NARS2: variants seen among roughly 807,000 people sequenced by gnomAD.
NARS2 encodes the protein asparaginyl-tRNA synthetase 2, mitochondrial.
Under a neutral mutation model 62.9 loss-of-function variants are expected in NARS2, and 60 were observed. The ratio of observed to expected loss-of-function variants is 0.95; its 90% confidence interval spans 0.77 to 1.18. The LOEUF (loss-of-function observed/expected upper bound fraction) is 1.18. NARS2 is among the 50% of genes most tolerant of loss of function. The probability of loss-of-function intolerance (pLI) is 0.00; values close to 1 mark genes in which losing one functional copy is unlikely to be tolerated. For synonymous variants in NARS2, 196 were observed against 200.0 expected, an observed-to-expected ratio of 0.98 and a Z score of 0.17; for missense variants, 619 against 576.4, an observed-to-expected ratio of 1.07 and a Z score of -0.76.
At position 78,485,779 on chromosome 11, in the gene NARS2, C is replaced by A. The variant is rs149981129; in HGVS notation, c.823-7096G>T. ...TGTCAGGGTGACAGTGGCACAAGCA[C>A]CTAAAACACCAAGAGAAGACCTACT... On this transcript the variant is annotated intron_variant, in intron 7 of 13. Coordinates refer to ENST00000281038, the MANE Select transcript of NARS2 (RefSeq NM_024678.6). Among the ~76,000 whole-genome samples, 505 of 152,238 alleles carry A rather than the reference C, an allele frequency of 3.3e-3. 8 individuals carry two copies. The highest frequency in any genetic ancestry group is 0.013 in the East Asian group (65 of 5,176).
At chr11:78,488,697 G>C (rs902153762) in intron 7 of NARS2, among the ~76,000 whole-genome samples, 7 of 152,200 alleles carry the variant, frequency 4.6e-5, no homozygotes, top group Non-Finnish European at 7.3e-5. Context: ...AGGGGTGAAG[G>C]TAAAGGGAAA....
At chr11:78,502,791 T>C (rs1860330827) in intron 6 of NARS2, among the ~76,000 whole-genome samples, 1 of 152,060 alleles carries the variant, frequency 6.6e-6, no homozygotes, top group Non-Finnish European at 1.5e-5. Flanking sequence ...GTCAGGAGTC[T>C]GAGACCAGCC....
At chr11:78,551,278 A>G (rs7127028) in intron 5 of NARS2, among the ~76,000 whole-genome samples, 104,403 of 152,078 alleles carry the variant, frequency 0.69, 37,642 homozygotes, top group Non-Finnish European at 0.81. Flanking sequence ...GTCTATTTAC[A>G]CAGACGGGGT....
intron 5 of NARS2, chr11:78,546,641 G>A (rs1399509261): frequency 6.6e-6 from 1 of 152,164 alleles, no homozygotes; most frequent in Non-Finnish European, 1.5e-5. Flanking sequence ...ATTGCATTAG[G>A]TAAGTGATAT....
intron 3 of NARS2, among the ~76,000 whole-genome samples, chr11:78,567,225 C>T (rs140004470): frequency 6.6e-4 from 101 of 152,230 alleles, no homozygotes; most frequent in African/African-American, 2.0e-3. Flanking sequence ...CCCCAGTGGA[C>T]GCCTAAAACC....
At chr11:78,552,138 C>T (rs1008232117) in intron 5 of NARS2, among the ~76,000 whole-genome samples, 2 of 152,156 alleles carry the variant, frequency 1.3e-5, no homozygotes, top group African/African-American at 4.8e-5. Context: ...GCTCTTCTCC[C>T]TCCTCCCATC....
chr11:78,553,568 C>A (rs1856211392), intron 5 of NARS2, among the ~76,000 whole-genome samples: 1 of 152,306 alleles, frequency 6.6e-6, no homozygotes. Flanking sequence ...GGATTATAGG[C>A]ATGAACCACC....
In NARS2 at chr11:78,462,947, A is replaced by C. The variant is rs901840907; in HGVS notation, c.1164+2929T>G. Among the ~76,000 whole-genome samples, 7 of 152,342 alleles carry C rather than the reference A, an allele frequency of 4.6e-5. No homozygotes were observed. The South Asian group carries it at 6.2e-4, about 14-fold the overall frequency. On this transcript the variant is annotated intron_variant, in intron 11 of 13. Transcript: ENST00000281038. ...AGTGTAGTTTTTGGGCCTATTTTGA[A>C]ATCAATATAATCTGTCTCATAGACT...
At chr11:78,484,844 A>T (rs1451248343) in intron 7 of NARS2, among the ~76,000 whole-genome samples, 1 of 152,226 alleles carries the variant, frequency 6.6e-6, no homozygotes, top group Admixed American at 6.5e-5. Flanking sequence ...AAGAATCTAG[A>T]ACCAGAAAAG....
intron 6 of NARS2, among the ~76,000 whole-genome samples, chr11:78,523,871 A>C (rs2135417335): frequency 6.6e-6 from 1 of 152,250 alleles, no homozygotes; most frequent in Non-Finnish European, 1.5e-5. Context: ...GGGAGTGATA[A>C]AACCTTAAAA....
chr11:78,468,916 G>GC (rs1377121522), intron 10 of NARS2, among the ~76,000 whole-genome samples: 1 of 151,462 alleles, frequency 6.6e-6, no homozygotes. Flanking sequence ...ATAGGCGTGA[G>GC]CCCCAACACC....
chr11:78,535,630 CTCTT>C (rs1401000474), intron 5 of NARS2, among the ~76,000 whole-genome samples: 1 of 150,862 alleles, frequency 6.6e-6, no homozygotes, highest in Non-Finnish European at 1.5e-5. Context: ...ATCCAGAAAG[CTCTT>C]TTTTTTTTTT....
chr11:78,548,677 G>A (rs1016772328), intron 5 of NARS2, among the ~76,000 whole-genome samples: 2 of 152,132 alleles, frequency 1.3e-5, no homozygotes, highest in African/African-American at 2.4e-5. Flanking sequence ...ATTGAGGATC[G>A]TGGTGGTAAA....
At chr11:78,448,433 G>C (rs961826837) in intron 11 of NARS2, among the ~76,000 whole-genome samples, 1 of 151,582 alleles carries the variant, frequency 6.6e-6, no homozygotes, top group Non-Finnish European at 1.5e-5. Flanking sequence ...TGGGATTACA[G>C]GCACATGCCA....
intron 11 of NARS2, among the ~76,000 whole-genome samples, chr11:78,461,014 G>A (rs1858372363): frequency 6.6e-6 from 1 of 152,150 alleles, no homozygotes. Flanking sequence ...AAGTATACAG[G>A]AGGATGTGCA....
intron 5 of NARS2, among the ~76,000 whole-genome samples, chr11:78,545,696 T>G (rs748637769): frequency 2.0e-4 from 31 of 151,920 alleles, no homozygotes; most frequent in Non-Finnish European, 3.5e-4. Context: ...CCAGCTAATT[T>G]TTGTATTTTT....
At chr11:78,501,205 G>A (rs1391956451) in intron 6 of NARS2, among the ~76,000 whole-genome samples, 1 of 152,134 alleles carries the variant, frequency 6.6e-6, no homozygotes, top group East Asian at 1.9e-4. Flanking sequence ...TTAGTAAGAG[G>A]AGTGACACTG....
At chr11:78,459,869 A>G (rs959896184) in intron 11 of NARS2, among the ~76,000 whole-genome samples, 2 of 152,258 alleles carry the variant, frequency 1.3e-5, no homozygotes, top group Non-Finnish European at 2.9e-5. Context: ...ATGGATTAAG[A>G]GTTAGTATCT....
intron 10 of NARS2, among the ~76,000 whole-genome samples, chr11:78,468,038 TG>T (rs765814070): frequency 3.0e-5 from 4 of 132,134 alleles, no homozygotes; most frequent in African/African-American, 9.8e-5. Context: ...AAGTAAGTAT[TG>T]AAAAAAAAAA....
Sources: gnomAD v4.1 joint callset for allele counts (sites outside exome capture counted in the v4.1 genomes callset) on GRCh38, gnomAD v4.1.1 for gene constraint, MANE v1.5 for transcripts, NCBI Gene and HGNC (gene_info 2026-07-23, HGNC 2026-07-21) for gene names.